Variants in PCDHGA2 observed in about 807,000 individuals in gnomAD.
PCDHGA2 encodes the protein protocadherin gamma subfamily A, 2, also known as protocadherin gamma-A2.
A neutral mutation model predicts 59.2 loss-of-function variants in PCDHGA2; 40 were observed. That is an observed-to-expected ratio of 0.68 (90% CI 0.52 to 0.88). The LOEUF is 0.88. Among genes scored for constraint, PCDHGA2 ranks in the 40% least tolerant of loss-of-function variants. PCDHGA2 has a pLI of 0.00. For missense variants in PCDHGA2, 1,226 were observed against 1,204.0 expected, an observed-to-expected ratio of 1.02 and a Z score of -0.27; for synonymous variants, 560 against 526.0, an observed-to-expected ratio of 1.06 and a Z score of -0.89.
chr5:141,502,535 G>A (rs910160644), intron 2 of PCDHGA2, among the ~76,000 whole-genome samples: 14 of 152,172 alleles, frequency 9.2e-5, no homozygotes, highest in South Asian at 2.1e-4. Flanking sequence ...GAGTTTGTTC[G>A]TGTGGTAAAA....
intron 1 of PCDHGA2, chr5:141,393,857 C>G (rs753457502): frequency 6.8e-6 from 11 of 1,613,978 alleles, no homozygotes; most frequent in Non-Finnish European, 9.3e-6. Flanking sequence ...CAGAAGTGAT[C>G]ATTACGTCTT....
chr5:141,417,861 T>A, intron 1 of PCDHGA2: 3 of 1,549,554 alleles, frequency 1.9e-6, no homozygotes, highest in Non-Finnish European at 2.6e-6. Context: ...GAGCGAACGA[T>A]GGGAGGGAGC....
At chr5:141,346,375 G>C in intron 1 of PCDHGA2, 1 of 1,614,250 alleles carries the variant, frequency 6.2e-7, no homozygotes, top group Non-Finnish European at 8.5e-7. Flanking sequence ...ACGCTCATCA[G>C]CCAGGAGAGC....
chr5:141,360,714 G>A (rs1761713863), intron 1 of PCDHGA2: 1 of 1,613,956 alleles, frequency 6.2e-7, no homozygotes, highest in Non-Finnish European at 8.5e-7. Flanking sequence ...AATATCCTGA[G>A]TTGATTCTAA....
At chr5:141,371,840 A>G (rs1768098809) in intron 1 of PCDHGA2, 6 of 1,613,642 alleles carry the variant, frequency 3.7e-6, no homozygotes, top group Non-Finnish European at 5.1e-6. Flanking sequence ...CCGACTTGGG[A>G]CCTAATGGCC....
At chr5:141,404,112 A>G (rs372014000) in intron 1 of PCDHGA2, 3 of 1,613,380 alleles carry the variant, frequency 1.9e-6, no homozygotes, top group Non-Finnish European at 2.5e-6. Context: ...TGTTCTATCC[A>G]GGAGAATCTA....
chr5:141,347,946 T>C (rs753265899), intron 1 of PCDHGA2, among the ~76,000 whole-genome samples: 4 of 152,228 alleles, frequency 2.6e-5, no homozygotes, highest in Non-Finnish European at 4.4e-5. Context: ...CTTGGAGTGG[T>C]ATTTCTTGTC....
At chr5:141,387,920 G>A in intron 1 of PCDHGA2, 12 of 1,481,924 alleles carry the variant, frequency 8.1e-6, no homozygotes, top group Non-Finnish European at 1.1e-5. Context: ...GCCGGGCTGA[G>A]AGGCTGCCAG....
chr5:141,404,490 T>A (rs748668164), intron 1 of PCDHGA2: 6 of 1,613,632 alleles, frequency 3.7e-6, no homozygotes, highest in Non-Finnish European at 5.1e-6. Flanking sequence ...GACACTGGTG[T>A]GCTGTATGCT....
At chr5:141,352,117 G>A (rs1437830305) in intron 1 of PCDHGA2, 3 of 1,608,576 alleles carry the variant, frequency 1.9e-6, no homozygotes, top group Admixed American at 3.4e-5. Flanking sequence ...GGTTGCGCAC[G>A]GGTGAGGTGC....
chr5:141,340,970 A>G lies in PCDHGA2; in HGVS notation c.1999A>G (p.Arg667Gly). 6.2e-7 allele frequency: 1 copy of G among 1,613,732 alleles called. No homozygotes were observed. The highest frequency in any genetic ancestry group is 2.2e-5 in the East Asian group (1 of 44,868). The change falls in exon 1 of 4, where the codon AGG (arginine) becomes GGG (glycine). Residue 667 changes from arginine to glycine, a missense_variant. By Grantham distance (125) the Arg-to-Gly change is moderately radical. Transcript: ENST00000394576. ...TVTLTVAVAD[R>G]IPDILADLGS... ...CACGCTCACCGTGGCCGTGGCCGAC[A>G]GGATCCCCGACATCCTGGCCGACCT...
rs371280575 is a variant in PCDHGA2 at position 141,393,339 on chromosome 5, C to T, written c.2424+51944C>T. ...CCAGAGCTACCAGCTCAGCCCCAAT[C>T]ACCACTTCTCCCTGGACGTGCAGAC... On this transcript the variant is annotated intron_variant, in intron 1 of 3. Coordinates refer to ENST00000394576, the MANE Select transcript of PCDHGA2 (RefSeq NM_018915.4). 109 of 1,613,800 alleles carry T rather than the reference C, an allele frequency of 6.8e-5. No individual in the cohort carries two copies. The highest frequency in any genetic ancestry group is 9.2e-5 in the Non-Finnish European group (109 of 1,179,890).
intron 1 of PCDHGA2, chr5:141,378,136 CATT>C (rs1561579952): frequency 6.6e-6 from 1 of 152,158 alleles, no homozygotes; most frequent in Non-Finnish European, 1.5e-5. Context: ...TTGACATCAC[CATT>C]ATTATAATTA....
At position 141,351,773 on chromosome 5, in the gene PCDHGA2, C is replaced by G. The variant is rs374508079; in HGVS notation, c.2424+10378C>G. On this transcript the variant is annotated intron_variant, in intron 1 of 3. Transcript: ENST00000394576. Reference sequence around the variant, plus strand: ...GCTGTTGTCCTACGTGTCCGTGAGCCCGCAGAGCGGGGTGGTGTTCGCGCA... The same window carrying G: ...GCTGTTGTCCTACGTGTCCGTGAGCGCGCAGAGCGGGGTGGTGTTCGCGCA... The G allele has an allele frequency of 2.6e-4, 414 of 1,613,372 alleles. 3 individuals are homozygous for G. The East Asian group carries it at 7.2e-3, about 28-fold the overall frequency.
intron 1 of PCDHGA2, among the ~76,000 whole-genome samples, chr5:141,469,489 C>T (rs1013080566): frequency 4.6e-5 from 7 of 151,928 alleles, no homozygotes; most frequent in Middle Eastern, 3.4e-3. Context: ...GCAGGAGAAT[C>T]GCTTGAACCC....
chr5:141,484,960 C>A, intron 1 of PCDHGA2: 1 of 577,142 alleles, frequency 1.7e-6, no homozygotes, highest in Non-Finnish European at 3.1e-6. Flanking sequence ...TTGGCTGAGC[C>A]CGGGAGCCGC....
Position 141,420,141 on chromosome 5 carries a change from T to C in PCDHGA2, c.2425-74666T>C, listed in dbSNP as rs556066866. 9.9e-6 allele frequency: 16 copies of C among 1,614,040 alleles called. No homozygotes were observed. The East Asian group carries it at 3.3e-4, about 34-fold the overall frequency. On this transcript the variant is annotated intron_variant, in intron 1 of 3. Coordinates refer to ENST00000394576, the MANE Select transcript of PCDHGA2 (RefSeq NM_018915.4). ...AATTTTTGTGTGCCTGGGGATCAAA[T>C]GAATCCAGAATTTAATTTTTTCACA... is the stretch of plus-strand genomic sequence containing the variant.
intron 1 of PCDHGA2, chr5:141,417,885 G>T (rs761442517): frequency 3.8e-6 from 6 of 1,562,926 alleles, no homozygotes; most frequent in South Asian, 1.2e-5. Context: ...GCGCAGAGGC[G>T]CCGGGCCGGC....
In PCDHGA2 at chr5:141,456,564, A is replaced by G. The variant is rs1174191537; in HGVS notation, c.2425-38243A>G. ...TTGTAGCCACTCGGGGCTGAAGCCC[A>G]CATTTTCCCTGAGCCTGTCAATAAT... On this transcript the variant is annotated intron_variant, in intron 1 of 3. Coordinates refer to ENST00000394576, the MANE Select transcript of PCDHGA2 (RefSeq NM_018915.4). Among the ~76,000 whole-genome samples the G allele has an allele frequency of 2.6e-5, 4 of 152,338 alleles. No individual in the cohort carries two copies. The South Asian group carries it at 6.2e-4, about 24-fold the overall frequency.
Sources: gnomAD v4.1 joint callset for allele counts (sites outside exome capture counted in the v4.1 genomes callset) on GRCh38, gnomAD v4.1.1 for gene constraint, MANE v1.5 for transcripts, NCBI Gene and HGNC (gene_info 2026-07-23, HGNC 2026-07-21) for gene names.